The following CFAP44 variants were observed in gnomAD, a reference collection of about 807,000 sequenced individuals.
CFAP44 encodes cilia and flagella associated protein 44.
CFAP44 carries 134 observed loss-of-function variants against 216.2 expected under a neutral mutation model. The observed-to-expected ratio is 0.62, with a 90% CI of 0.54 to 0.72. The LOEUF (loss-of-function observed/expected upper bound fraction) is 0.72, where lower values mean the gene tolerates loss of function less well. Ranked by LOEUF, CFAP44 falls within the 30% of genes least tolerant of loss-of-function variation. CFAP44 has a pLI of 0.00. For synonymous variants in CFAP44, 700 were observed against 727.6 expected (o/e 0.96, Z 0.61); for missense variants, 2,035 against 2,182.1 (o/e 0.93, Z 1.34).
At chr3:113,406,620 T>C (rs1429882751) in intron 8 of CFAP44, among the ~76,000 whole-genome samples, 4 of 146,786 alleles carry the variant, frequency 2.7e-5, no homozygotes, top group Non-Finnish European at 5.9e-5. Context: ...CGAGACCCTG[T>C]CTCAAAAAAA....
intron 24 of CFAP44, 128 bp from the exon 25 acceptor site, chr3:113,333,711 A>C (rs1210625414): frequency 9.1e-7 from 1 of 1,102,220 alleles, no homozygotes; most frequent in Non-Finnish European, 1.2e-6. Flanking sequence ...CTGTGATGCC[A>C]CTTTTGTCAC....
chr3:113,374,363 TTTTATTTATTTATTTATTTA>T (rs148186633), intron 17 of CFAP44, among the ~76,000 whole-genome samples: 1 of 146,674 alleles, frequency 6.8e-6, no homozygotes, highest in Non-Finnish European at 1.5e-5. Flanking sequence ...TGTCAATTTC[TTTTATTTATTTATTTATTTA>T]TTTATTTATT....
intron 18 of CFAP44, 57 bp downstream of exon 18, chr3:113,373,354 A>G: frequency 3.7e-6 from 5 of 1,358,374 alleles, no homozygotes; most frequent in Non-Finnish European, 4.8e-6. Flanking sequence ...ATGATGAACA[A>G]AAGCATAGAC....
chr3:113,429,051 C>T (rs1481820200), intron 2 of CFAP44: 1 of 151,932 alleles, frequency 6.6e-6, no homozygotes, highest in Non-Finnish European at 1.5e-5. Flanking sequence ...GTTGCACATA[C>T]AGAAAAATCC....
At chr3:113,374,306 C>A (rs1449804661) in intron 17 of CFAP44, among the ~76,000 whole-genome samples, 1 of 152,018 alleles carries the variant, frequency 6.6e-6, no homozygotes, top group Non-Finnish European at 1.5e-5. Context: ...AGAGGGAAAG[C>A]CAAAAGTGAG....
intron 29 of CFAP44, among the ~76,000 whole-genome samples, chr3:113,307,242 G>A (rs1949994921): frequency 6.6e-6 from 1 of 152,160 alleles, no homozygotes; most frequent in African/African-American, 2.4e-5. Context: ...CAAAAAGGGA[G>A]ATTCCTGTAA....
In CFAP44 at chr3:113,314,372, C is replaced by T. The variant is rs116105460; in HGVS notation, c.4517-6104G>A. Among the ~76,000 whole-genome samples the T allele has an allele frequency of 8.9e-3, 1,359 of 152,220 alleles. 17 individuals carry two copies. The highest frequency in any genetic ancestry group is 0.031 in the African/African-American group (1,268 of 41,540). On this transcript the variant is annotated intron_variant, in intron 28 of 34. Transcript: ENST00000393845. ...CCATGGAAGCCGAAAGGAAATGACA[C>T]AATGATTTTTCAAGTGCTGAAAGAA...
At chr3:113,435,858 C>CGTGTGT (rs59468932) in intron 1 of CFAP44, among the ~76,000 whole-genome samples, 9 of 147,770 alleles carry the variant, frequency 6.1e-5, no homozygotes, top group Non-Finnish European at 1.1e-4. Context: ...AGTGTATGTA[C>CGTGTGT]GTGTGTGTGT....
At chr3:113,330,798 CT>C in intron 25 of CFAP44, 130 bp from the exon 26 acceptor site, 1 of 1,243,814 alleles carries the variant, frequency 8.0e-7, no homozygotes, top group Non-Finnish European at 1.1e-6. Flanking sequence ...CTGATCATAC[CT>C]TTTTACCACC....
chr3:113,366,140 A>G lies in CFAP44; in HGVS notation c.2614T>C (p.Phe872Leu). The change falls in exon 19 of 35, where the codon TTC (phenylalanine) becomes CTC (leucine). Residue 872 changes from phenylalanine (F) to leucine (L), a missense_variant. By Grantham distance (22) the Phe-to-Leu change is conservative. Transcript: ENST00000393845. ...CCATCTGCTCCAGCAGTCACCAAGAAACGATCATCAAAGCTATTAGCAATA... is the reference window on the plus strand; with the variant it reads ...CCATCTGCTCCAGCAGTCACCAAGAGACGATCATCAAAGCTATTAGCAATA... ...KSIANSFDDR[F>L]LVTAGADGNI... 1 of 1,614,106 alleles carries G rather than the reference A, an allele frequency of 6.2e-7. No individual in the cohort carries two copies. Among genetic ancestry groups the G allele is most frequent in the Non-Finnish European group, 8.5e-7 (1 of 1,179,988 alleles).
chr3:113,297,706 T>C (rs576727187), intron 32 of CFAP44, among the ~76,000 whole-genome samples: 2 of 152,310 alleles, frequency 1.3e-5, no homozygotes, highest in East Asian at 3.9e-4. Flanking sequence ...TATATTTTAC[T>C]TTTGTTTTTG....
At chr3:113,413,311 C>T (rs1275064432) in intron 6 of CFAP44, among the ~76,000 whole-genome samples, 7 of 152,110 alleles carry the variant, frequency 4.6e-5, no homozygotes, top group African/African-American at 1.7e-4. Flanking sequence ...TTCTCCCTCT[C>T]TGTAGGTTGC....
Position 113,298,035 on chromosome 3 carries a change from C to T in CFAP44, c.5078-1150G>A, listed in dbSNP as rs568304090. On this transcript the variant is annotated intron_variant, in intron 32 of 34. Transcript: ENST00000393845. ...CATCTAATCAGTGACGCAAATGAAA[C>T]GATGAATAGATGATGTGCACGTGTG... is the stretch of plus-strand genomic sequence containing the variant. 3.3e-5 allele frequency among the ~76,000 whole-genome samples: 5 copies of T among 152,328 alleles called. No individual in the cohort carries two copies. The South Asian group carries it at 1.0e-3, about 32-fold the overall frequency.
intron 8 of CFAP44, among the ~76,000 whole-genome samples, chr3:113,405,348 G>A (rs1196841207): frequency 6.6e-6 from 1 of 152,170 alleles, no homozygotes; most frequent in African/African-American, 2.4e-5. Flanking sequence ...TATGAAATGT[G>A]ACTCATATCT....
At chr3:113,404,679 C>G (rs1391044195) in intron 8 of CFAP44, among the ~76,000 whole-genome samples, 1 of 152,148 alleles carries the variant, frequency 6.6e-6, no homozygotes, top group African/African-American at 2.4e-5. Flanking sequence ...ACCATGTACA[C>G]TTGTGCATGT....
chr3:113,374,450 C>T (rs1428861901), intron 17 of CFAP44, among the ~76,000 whole-genome samples: 1 of 151,682 alleles, frequency 6.6e-6, no homozygotes, highest in Non-Finnish European at 1.5e-5. Context: ...AGGTTTGTTA[C>T]ATATATGTGG....
intron 32 of CFAP44, among the ~76,000 whole-genome samples, chr3:113,297,934 A>T (rs1949897794): frequency 6.6e-6 from 1 of 152,260 alleles, no homozygotes; most frequent in African/African-American, 2.4e-5. Context: ...GGCTGCCATT[A>T]TGCACAATCC....
At chr3:113,353,668 G>T (rs373274170) in intron 22 of CFAP44, among the ~76,000 whole-genome samples, 14 of 152,246 alleles carry the variant, frequency 9.2e-5, no homozygotes, top group East Asian at 3.9e-4. Context: ...ACTATTCAGG[G>T]ATTTAATACC....
At chr3:113,358,999 AT>A (rs1950514998) in intron 21 of CFAP44, 124 bp from the exon 22 acceptor site, 2 of 1,176,126 alleles carry the variant, frequency 1.7e-6, no homozygotes, top group Non-Finnish European at 2.2e-6. Context: ...AACTCTGTCC[AT>A]TACAAAAGAA....
Sources: gnomAD v4.1 joint callset for allele counts (sites outside exome capture counted in the v4.1 genomes callset) on GRCh38, gnomAD v4.1.1 for gene constraint, MANE v1.5 for transcripts, NCBI Gene and HGNC (gene_info 2026-07-23, HGNC 2026-07-21) for gene names.